Variants in NTM observed in about 807,000 individuals in gnomAD.
NTM encodes IgLON family member 2.
In NTM, 13 loss-of-function variants were observed where a neutral mutation model predicts 42.1. The observed-to-expected ratio is 0.31, with a 90% confidence interval of 0.20 to 0.49. The LOEUF (loss-of-function observed/expected upper bound fraction) is 0.49. NTM is among the 20% of genes least tolerant of loss of function. NTM has a pLI of 0.99. For missense variants in NTM, 373 were observed against 452.8 expected, an observed-to-expected ratio of 0.82 and a Z score of 1.60; for synonymous variants, 187 against 179.2, an observed-to-expected ratio of 1.04 and a Z score of -0.35.
intron 1 of NTM, among the ~76,000 whole-genome samples, chr11:131,764,938 C>A (rs1366119759): frequency 6.6e-6 from 1 of 152,166 alleles, no homozygotes; most frequent in Non-Finnish European, 1.5e-5. Context: ...ATCATCACAG[C>A]TATCCTATAA....
intron 1 of NTM, among the ~76,000 whole-genome samples, chr11:131,452,601 CTTTG>C (rs1950565338): frequency 6.6e-6 from 1 of 152,158 alleles, no homozygotes; most frequent in African/African-American, 2.4e-5. Flanking sequence ...ATGACAGGTG[CTTTG>C]TTTGGAGAGC....
At chr11:132,174,864 G>A (rs78984794) in intron 3 of NTM, among the ~76,000 whole-genome samples, 2,561 of 152,226 alleles carry the variant, frequency 0.017, 68 homozygotes, top group African/African-American at 0.059. Flanking sequence ...TTGCTCTGGA[G>A]AGAGAGGTTA....
At chr11:131,862,015 G>A (rs1467130097) in intron 1 of NTM, among the ~76,000 whole-genome samples, 1 of 152,176 alleles carries the variant, frequency 6.6e-6, no homozygotes, top group African/African-American at 2.4e-5. Flanking sequence ...TGCTCTTAGT[G>A]CGGTCTCAAG....
chr11:131,574,046 C>G (rs961921179), intron 1 of NTM, among the ~76,000 whole-genome samples: 2 of 152,106 alleles, frequency 1.3e-5, no homozygotes, highest in Non-Finnish European at 2.9e-5. Flanking sequence ...GGCTTCAGCA[C>G]GTGGGTGTTG....
intron 3 of NTM, among the ~76,000 whole-genome samples, chr11:132,178,131 A>T (rs2077072223): frequency 6.6e-6 from 1 of 152,232 alleles, no homozygotes; most frequent in African/African-American, 2.4e-5. Context: ...GTCTTAGATA[A>T]CGTGAAGTCC....
chr11:131,665,088 C>A (rs548312789), intron 1 of NTM, among the ~76,000 whole-genome samples: 2 of 152,154 alleles, frequency 1.3e-5, no homozygotes, highest in African/African-American at 4.8e-5. Flanking sequence ...GTGGCATTCA[C>A]GCGTCCCCTC....
intron 2 of NTM, among the ~76,000 whole-genome samples, chr11:131,945,824 G>C (rs1351494949): frequency 6.6e-6 from 1 of 152,114 alleles, no homozygotes; most frequent in Non-Finnish European, 1.5e-5. Context: ...CTCCATTCAG[G>C]AATCTTCAGG....
At chr11:131,761,028 G>A (rs917402228) in intron 1 of NTM, among the ~76,000 whole-genome samples, 1 of 147,730 alleles carries the variant, frequency 6.8e-6, no homozygotes, top group Non-Finnish European at 1.5e-5. Flanking sequence ...AAACCACCGG[G>A]ATGGAGGGAC....
chr11:132,259,830 A>C (rs924858602), intron 4 of NTM, among the ~76,000 whole-genome samples: 1 of 151,750 alleles, frequency 6.6e-6, no homozygotes, highest in African/African-American at 2.4e-5. Flanking sequence ...GCTCACTGCA[A>C]ACTCCGCCTC....
At chr11:132,216,036 G>A (rs889737118) in intron 4 of NTM, among the ~76,000 whole-genome samples, 2 of 152,222 alleles carry the variant, frequency 1.3e-5, no homozygotes, top group Non-Finnish European at 2.9e-5. Context: ...CACTGTGCCT[G>A]GTGTCATGAC....
At chr11:132,155,557 T>TGGCC (rs200098620) in intron 3 of NTM, among the ~76,000 whole-genome samples, 10,251 of 152,288 alleles carry the variant, frequency 0.067, 574 homozygotes, top group African/African-American at 0.15. Flanking sequence ...TGCTCCTGGC[T>TGGCC]TTCTGGCCTT....
chr11:132,033,005 C>A (rs1471842509), intron 2 of NTM, among the ~76,000 whole-genome samples: 2 of 152,256 alleles, frequency 1.3e-5, no homozygotes, highest in East Asian at 1.9e-4. Flanking sequence ...TTAATGAACC[C>A]AACCAAAGGT....
intron 1 of NTM, among the ~76,000 whole-genome samples, chr11:131,455,825 G>A (rs1351480593): frequency 2.6e-5 from 4 of 152,216 alleles, no homozygotes; most frequent in Non-Finnish European, 1.5e-5. Context: ...CTCTGTTGAA[G>A]TCGAATAAAT....
chr11:131,482,169 C>G (rs1218979870), intron 1 of NTM, among the ~76,000 whole-genome samples: 1 of 152,202 alleles, frequency 6.6e-6, no homozygotes, highest in Non-Finnish European at 1.5e-5. Flanking sequence ...CTCATTAGAG[C>G]TACCTTTTAT....
chr11:131,843,923 C>A (rs759348678), intron 1 of NTM, among the ~76,000 whole-genome samples: 11 of 151,212 alleles, frequency 7.3e-5, no homozygotes, highest in Non-Finnish European at 1.2e-4. Flanking sequence ...GATATGAATT[C>A]TTTTTTACAT....
intron 1 of NTM, among the ~76,000 whole-genome samples, chr11:131,380,343 G>A (rs1256347973): frequency 1.3e-5 from 2 of 151,790 alleles, no homozygotes; most frequent in East Asian, 1.9e-4. Flanking sequence ...AAGTAGCTGG[G>A]ATTACAGGCA....
At chr11:131,576,730 T>G (rs1320472065) in intron 1 of NTM, among the ~76,000 whole-genome samples, 1 of 152,198 alleles carries the variant, frequency 6.6e-6, no homozygotes, top group African/African-American at 2.4e-5. Flanking sequence ...GCATCAAATT[T>G]GATAATAAGA....
chr11:132,081,466 C>T (rs140772567), intron 2 of NTM, among the ~76,000 whole-genome samples: 2,186 of 152,218 alleles, frequency 0.014, 65 homozygotes, highest in African/African-American at 0.051. Context: ...GGCACGGTGG[C>T]TCGCGCCTGT....
intron 1 of NTM, among the ~76,000 whole-genome samples, chr11:131,579,442 G>A (rs2058206090): frequency 6.6e-6 from 1 of 152,164 alleles, no homozygotes; most frequent in Non-Finnish European, 1.5e-5. Context: ...GTCCCCTAGA[G>A]TACTGTCTAA....
Sources: gnomAD v4.1 joint callset for allele counts (sites outside exome capture counted in the v4.1 genomes callset) on GRCh38, gnomAD v4.1.1 for gene constraint, MANE v1.5 for transcripts, NCBI Gene and HGNC (gene_info 2026-07-23, HGNC 2026-07-21) for gene names.